Variants in STXBP5 observed in about 807,000 individuals in gnomAD.
The protein encoded by STXBP5 is syntaxin binding protein 5.
A neutral mutation model predicts 152.4 loss-of-function variants in STXBP5; 50 were observed. The observed-to-expected ratio is 0.33, with a 90% CI of 0.26 to 0.42. The LOEUF (loss-of-function observed/expected upper bound fraction) is 0.42. Ranked by LOEUF, STXBP5 falls within the 10% of genes least tolerant of loss-of-function variation. STXBP5 has a pLI of 1.00. For synonymous variants in STXBP5, 492 were observed against 494.7 expected, an observed-to-expected ratio of 0.99 and a Z score of 0.07; for missense variants, 1,167 against 1,388.6, an observed-to-expected ratio of 0.84 and a Z score of 2.54.
intron 2 of STXBP5, among the ~76,000 whole-genome samples, chr6:147,222,378 T>TG (rs921129641): frequency 9.2e-5 from 14 of 152,084 alleles, no homozygotes. Context: ...GGTAATGGTG[T>TG]GGGGGGAAGG....
intron 2 of STXBP5, among the ~76,000 whole-genome samples, chr6:147,225,923 C>T (rs374824371): frequency 1.3e-5 from 2 of 152,090 alleles, no homozygotes; most frequent in African/African-American, 4.8e-5. Flanking sequence ...TAGAGAAAAT[C>T]GAGTCCAATT....
intron 9 of STXBP5, chr6:147,292,163 C>G (rs1167767837): frequency 4.8e-6 from 2 of 415,880 alleles, no homozygotes; most frequent in Non-Finnish European, 9.5e-6. Context: ...AATCTCCCCT[C>G]CCATTTCAAT....
At chr6:147,259,403 G>T (rs1477981543) in intron 4 of STXBP5, among the ~76,000 whole-genome samples, 1 of 152,002 alleles carries the variant, frequency 6.6e-6, no homozygotes, top group African/African-American at 2.4e-5. Context: ...TCTATACTTG[G>T]TTAAACTTAC....
rs774974174 is a variant in STXBP5, at chr6:147,334,240, T to A, written c.2146+18T>A. On this transcript the variant is annotated intron_variant, in intron 19 of 27. Coordinates refer to ENST00000321680, the MANE Select transcript of STXBP5 (RefSeq NM_001127715.4). Reference sequence around the variant, plus strand: ...AACCTCTGGTAATTTGGTTTTTTTTTATTTCATTAATAATTATGATTTACA... The same window carrying A: ...AACCTCTGGTAATTTGGTTTTTTTTAATTTCATTAATAATTATGATTTACA... The A allele has an allele frequency of 3.7e-5, 60 of 1,604,354 alleles. No individual in the cohort carries two copies. The highest frequency in any genetic ancestry group is 1.1e-4 in the South Asian group (10 of 89,448).
At chr6:147,331,468 G>A (rs904677892) in intron 18 of STXBP5, among the ~76,000 whole-genome samples, 1 of 152,140 alleles carries the variant, frequency 6.6e-6, no homozygotes, top group Non-Finnish European at 1.5e-5. Flanking sequence ...TGTGATACTA[G>A]AAAGGATATT....
At chr6:147,384,022 A>T (rs780455890) in intron 27 of STXBP5, among the ~76,000 whole-genome samples, 1 of 152,110 alleles carries the variant, frequency 6.6e-6, no homozygotes, top group Non-Finnish European at 1.5e-5. Context: ...GTAGCATTTC[A>T]GTCAATTTCG....
At chr6:147,228,613 T>G (rs1423839672) in intron 2 of STXBP5, among the ~76,000 whole-genome samples, 1 of 152,118 alleles carries the variant, frequency 6.6e-6, no homozygotes, top group Non-Finnish European at 1.5e-5. Flanking sequence ...TGTTACATGT[T>G]CTAAAATGAT....
At chr6:147,265,250 T>C (rs1341499537) in intron 6 of STXBP5, among the ~76,000 whole-genome samples, 1 of 152,026 alleles carries the variant, frequency 6.6e-6, no homozygotes, top group African/African-American at 2.4e-5. Context: ...GTAGGAAAAC[T>C]TATTTTGTTA....
At position 147,327,398 on chromosome 6, in the gene STXBP5, C is replaced by T. The variant is rs377386020; in HGVS notation, c.2080+122C>T. 61 of 1,155,522 alleles carry T rather than the reference C, an allele frequency of 5.3e-5. No homozygotes were observed. The East Asian group carries it at 9.0e-4, about 17-fold the overall frequency. The allele number at this position is 1,155,522 out of a possible 1,614,324, so 71.6% of individuals were successfully genotyped here. The stretch of plus-strand genomic sequence containing the variant: ...GCCTGATTTAGTCTGTATATATAAA[C>T]TGCCAAAAACTAGCAAAAGTTGTGA... On this transcript the variant is annotated intron_variant, in intron 18 of 27. Coordinates refer to ENST00000321680, the MANE Select transcript of STXBP5 (RefSeq NM_001127715.4).
chr6:147,260,662 G>C lies in STXBP5; in HGVS notation c.479G>C (p.Gly160Ala). 6.2e-7 allele frequency: 1 copy of C among 1,613,608 alleles called. No homozygotes were observed. Among genetic ancestry groups the C allele is most frequent in the Non-Finnish European group, 8.5e-7 (1 of 1,179,720 alleles). The change falls in exon 5 of 28, where the codon GGC becomes GCC. Residue 160 changes from glycine to alanine, a missense_variant. By Grantham distance (60) the Gly-to-Ala change is moderately conservative. Coordinates refer to ENST00000321680, the MANE Select transcript of STXBP5 (RefSeq NM_001127715.4). ...LPFQSKWLYV[G>A]TERGNIHIVN... is the part of the protein sequence containing the mutation. ...TTCCAGAGTAAGTGGCTCTATGTGGGCACTGAACGAGGTAATATACATATT... is the reference window on the plus strand; with the variant it reads ...TTCCAGAGTAAGTGGCTCTATGTGGCCACTGAACGAGGTAATATACATATT...
intron 4 of STXBP5, among the ~76,000 whole-genome samples, chr6:147,245,012 A>AT (rs1778741909): frequency 2.9e-5 from 1 of 34,430 alleles, no homozygotes; most frequent in African/African-American, 1.5e-4. Flanking sequence ...TTTTTTTTTT[A>AT]GAGGGAATCT....
intron 23 of STXBP5, among the ~76,000 whole-genome samples, chr6:147,362,644 A>G (rs746786109): frequency 4.6e-5 from 7 of 152,192 alleles, no homozygotes; most frequent in Non-Finnish European, 8.8e-5. Flanking sequence ...CATCTAGATC[A>G]GTATTGTCTA....
At chr6:147,381,998 A>G (rs1325520675) in intron 26 of STXBP5, among the ~76,000 whole-genome samples, 1 of 152,174 alleles carries the variant, frequency 6.6e-6, no homozygotes, top group Non-Finnish European at 1.5e-5. Context: ...AAAATCACCA[A>G]TGTATTCACT....
intron 16 of STXBP5, among the ~76,000 whole-genome samples, chr6:147,319,510 T>C (rs58570586): frequency 0.018 from 2,707 of 152,306 alleles, 69 homozygotes; most frequent in African/African-American, 0.061. Context: ...ATTTTTCTTC[T>C]GTTTTGGTTT....
intron 7 of STXBP5, among the ~76,000 whole-genome samples, chr6:147,269,309 G>A (rs1399210633): frequency 3.3e-5 from 5 of 152,146 alleles, no homozygotes; most frequent in Non-Finnish European, 5.9e-5. Context: ...ACTAAAGGCT[G>A]GCTTAAGTTC....
At chr6:147,353,743 A>C (rs765574030) in intron 22 of STXBP5, among the ~76,000 whole-genome samples, 2 of 152,146 alleles carry the variant, frequency 1.3e-5, no homozygotes, top group Non-Finnish European at 2.9e-5. Context: ...TATACTAATG[A>C]AATACTTAAA....
intron 21 of STXBP5, among the ~76,000 whole-genome samples, chr6:147,344,800 C>CACTT (rs143073120): frequency 0.52 from 78,590 of 151,888 alleles, 20,502 homozygotes; most frequent in Middle Eastern, 0.58. Context: ...CATTCCGTAA[C>CACTT]ACTGTGTTAG....
chr6:147,289,164 A>G (rs1582895805), intron 8 of STXBP5, among the ~76,000 whole-genome samples: 1 of 152,170 alleles, frequency 6.6e-6, no homozygotes, highest in East Asian at 1.9e-4. Context: ...CCGGCTGCCA[A>G]TATCACTTTT....
intron 3 of STXBP5, among the ~76,000 whole-genome samples, chr6:147,235,940 G>T (rs143339070): frequency 6.6e-6 from 1 of 152,178 alleles, no homozygotes; most frequent in African/African-American, 2.4e-5. Context: ...TGATAGAGAG[G>T]GAAAGCTAGT....
Sources: gnomAD v4.1 joint callset for allele counts (sites outside exome capture counted in the v4.1 genomes callset) on GRCh38, gnomAD v4.1.1 for gene constraint, MANE v1.5 for transcripts, NCBI Gene and HGNC (gene_info 2026-07-23, HGNC 2026-07-21) for gene names.